DMD: variants seen among roughly 807,000 people sequenced by gnomAD.
The protein encoded by DMD is mutant dystrophin.
DMD carries 63 observed loss-of-function variants against 330.1 expected under a neutral mutation model. That is an observed-to-expected ratio of 0.19 (90% CI 0.16 to 0.24). DMD has a LOEUF of 0.24. Ranked by LOEUF, DMD falls within the 10% of genes least tolerant of loss-of-function variation. The pLI, the probability that DMD is intolerant of heterozygous loss-of-function variation, is 1.00. For missense variants in DMD, 3,344 were observed against 2,684.1 expected (o/e 1.25, Z -5.43); for synonymous variants, 1,223 against 959.8 (o/e 1.27, Z -5.07).
chrX:31,277,746 T>G (rs773215919), intron 62 of DMD, among the ~76,000 whole-genome samples: 2 of 111,644 alleles, frequency 1.8e-5, no homozygotes, highest in South Asian at 3.8e-4. Flanking sequence ...AACTACAGTG[T>G]TTTTCAAACT....
intron 44 of DMD, among the ~76,000 whole-genome samples, chrX:32,159,945 T>C (rs1475155219): frequency 9.0e-6 from 1 of 111,658 alleles, no homozygotes; most frequent in East Asian, 2.8e-4. Context: ...CCCAGGTGAT[T>C]CTGATGCACA....
chrX:31,799,564 G>T (rs1210411657), intron 50 of DMD, among the ~76,000 whole-genome samples: 1 of 111,228 alleles, frequency 9.0e-6, no homozygotes, highest in East Asian at 2.8e-4. Flanking sequence ...TGAGATTTGG[G>T]TGGGGACACA....
intron 47 of DMD, among the ~76,000 whole-genome samples, chrX:31,920,263 AT>A (rs2094671091): frequency 8.9e-6 from 1 of 112,241 alleles, no homozygotes; most frequent in Non-Finnish European, 1.9e-5. Context: ...CTGATCTTTA[AT>A]AAAAATCACC....
chrX:32,712,276 C>T (rs1050090066), intron 7 of DMD, among the ~76,000 whole-genome samples: 2 of 110,945 alleles, frequency 1.8e-5, no homozygotes, highest in Non-Finnish European at 3.8e-5. Context: ...TGCCTATAGT[C>T]CAATGGTAGA....
At chrX:31,715,319 C>T (rs1314761383) in intron 52 of DMD, among the ~76,000 whole-genome samples, 1 of 106,975 alleles carries the variant, frequency 9.3e-6, no homozygotes, top group Admixed American at 1.0e-4. Flanking sequence ...CCGAGACGGG[C>T]GGATCACGAG....
chrX:31,691,830 T>G (rs1048620064), intron 52 of DMD, among the ~76,000 whole-genome samples: 1 of 112,059 alleles, frequency 8.9e-6, no homozygotes, highest in Non-Finnish European at 1.9e-5. Flanking sequence ...TATAACATAA[T>G]AATAGCAGGC....
At chrX:32,825,948 C>T (rs952719569) in intron 4 of DMD, among the ~76,000 whole-genome samples, 2 of 86,679 alleles carry the variant, frequency 2.3e-5, no homozygotes, top group African/African-American at 4.1e-5. Flanking sequence ...GTGATGACTA[C>T]CCAACAACAG....
intron 1 of DMD, among the ~76,000 whole-genome samples, chrX:33,092,538 G>C (rs887042125): frequency 6.3e-5 from 7 of 110,997 alleles, no homozygotes; most frequent in Non-Finnish European, 1.1e-4. Flanking sequence ...TTTTATAATT[G>C]GTCTTATTTT....
intron 7 of DMD, among the ~76,000 whole-genome samples, chrX:32,733,610 C>T (rs1253372214): frequency 1.8e-5 from 2 of 111,544 alleles, no homozygotes; most frequent in Admixed American, 1.9e-4. Flanking sequence ...TTAAGAATCT[C>T]ACTCAAAACC....
intron 51 of DMD, among the ~76,000 whole-genome samples, chrX:31,754,537 T>C (rs994336476): frequency 2.7e-5 from 3 of 111,177 alleles, no homozygotes; most frequent in African/African-American, 9.8e-5. Context: ...CTATTCCTGT[T>C]AGAATTTTCT....
chrX:33,118,561 C>G (rs974011811), intron 1 of DMD, among the ~76,000 whole-genome samples: 1 of 111,916 alleles, frequency 8.9e-6, no homozygotes, highest in African/African-American at 3.2e-5. Flanking sequence ...GGAAAAGAAA[C>G]GTTCATCTGA....
chrX:32,590,864 A>G (rs1408982500), intron 13 of DMD, among the ~76,000 whole-genome samples: 2 of 111,553 alleles, frequency 1.8e-5, no homozygotes, highest in African/African-American at 6.5e-5. Context: ...TTCACCTTGT[A>G]ATCATGTGAG....
At chrX:33,040,899 A>G (rs1465831432) in intron 1 of DMD, among the ~76,000 whole-genome samples, 1 of 112,021 alleles carries the variant, frequency 8.9e-6, no homozygotes, top group Non-Finnish European at 1.9e-5. Flanking sequence ...GCTTGAACTA[A>G]CAGACAAGGA....
At chrX:33,122,788 T>A in intron 1 of DMD, among the ~76,000 whole-genome samples, 1 of 111,851 alleles carries the variant, frequency 8.9e-6, no homozygotes, top group Non-Finnish European at 1.9e-5. Context: ...GACCTCCCTC[T>A]AAACCTTCCA....
intron 1 of DMD, among the ~76,000 whole-genome samples, chrX:33,066,671 A>T (rs1295790536): frequency 9.1e-6 from 1 of 109,807 alleles, no homozygotes; most frequent in African/African-American, 3.3e-5. Context: ...GCCCATTTAA[A>T]CCTTTAATTC....
At chrX:31,605,134 T>C (rs1390847265) in intron 55 of DMD, among the ~76,000 whole-genome samples, 1 of 112,105 alleles carries the variant, frequency 8.9e-6, no homozygotes, top group African/African-American at 3.2e-5. Context: ...GAAAAATTTA[T>C]GCCTGTCTAG....
chrX:31,346,358 G>A (rs1469289946), intron 61 of DMD, among the ~76,000 whole-genome samples: 1 of 110,676 alleles, frequency 9.0e-6, no homozygotes, highest in African/African-American at 3.3e-5. Flanking sequence ...AACATTTCTA[G>A]GCACAAAGTA....
intron 7 of DMD, among the ~76,000 whole-genome samples, chrX:32,717,193 G>T (rs1288667996): frequency 1.8e-5 from 2 of 111,379 alleles, no homozygotes; most frequent in East Asian, 5.7e-4. Context: ...AATGCCCAAA[G>T]GCATTTCAGA....
chrX:31,248,574 G>T (rs1328910317), intron 63 of DMD, among the ~76,000 whole-genome samples: 1 of 111,627 alleles, frequency 9.0e-6, no homozygotes, highest in Non-Finnish European at 1.9e-5. Context: ...TCTGCATAGA[G>T]GGTTGGTTGC....
Sources: allele counts gnomAD v4.1 joint callset (sites outside exome capture counted in the v4.1 genomes callset), GRCh38; gene constraint gnomAD v4.1.1; transcripts MANE v1.5; gene names NCBI Gene and HGNC (gene_info 2026-07-23, HGNC 2026-07-21).